Variants in MAGI2 observed in about 807,000 individuals in gnomAD.
MAGI2 encodes membrane associated guanylate kinase, WW and PDZ domain containing 2.
In MAGI2, 35 loss-of-function variants were observed where a neutral mutation model predicts 133.3. The observed-to-expected ratio is 0.26, with a 90% CI of 0.20 to 0.35. The LOEUF (loss-of-function observed/expected upper bound fraction) is 0.35, where lower values mean the gene tolerates loss of function less well. Ranked by LOEUF, MAGI2 falls within the 10% of genes least tolerant of loss-of-function variation. MAGI2 has a pLI of 1.00. For missense variants in MAGI2, 1,636 were observed against 1,863.4 expected, an observed-to-expected ratio of 0.88 and a Z score of 2.25; for synonymous variants, 729 against 710.6, an observed-to-expected ratio of 1.03 and a Z score of -0.41.
intron 3 of MAGI2, among the ~76,000 whole-genome samples, chr7:78,625,259 T>G (rs1242055235): frequency 6.6e-6 from 1 of 151,908 alleles, no homozygotes; most frequent in Non-Finnish European, 1.5e-5. Context: ...CTGACAAATA[T>G]AAAAATGATT....
chr7:78,024,631 A>G (rs899623220), intron 21 of MAGI2, among the ~76,000 whole-genome samples: 1 of 152,178 alleles, frequency 6.6e-6, no homozygotes, highest in African/African-American at 2.4e-5. Flanking sequence ...CACCGCCCTA[A>G]TTCAAAATAT....
At chr7:78,817,625 C>A (rs1042808346) in intron 2 of MAGI2, among the ~76,000 whole-genome samples, 1 of 152,106 alleles carries the variant, frequency 6.6e-6, no homozygotes, top group African/African-American at 2.4e-5. Context: ...TGATGTTTAG[C>A]ATTTTTTAGC....
chr7:79,271,745 GT>G (rs995512053), intron 1 of MAGI2, among the ~76,000 whole-genome samples: 2 of 148,792 alleles, frequency 1.3e-5, no homozygotes, highest in African/African-American at 2.5e-5. Context: ...CCCCTCCATC[GT>G]TTTTATTGAT....
At chr7:79,230,079 G>T (rs1831229933) in intron 1 of MAGI2, among the ~76,000 whole-genome samples, 1 of 150,654 alleles carries the variant, frequency 6.6e-6, no homozygotes, top group African/African-American at 2.4e-5. Context: ...TACTGAGAAT[G>T]ATGATTTCCA....
intron 3 of MAGI2, among the ~76,000 whole-genome samples, chr7:78,622,037 C>G (rs1378436471): frequency 6.6e-6 from 1 of 152,012 alleles, no homozygotes; most frequent in Non-Finnish European, 1.5e-5. Flanking sequence ...TTATAAAGGA[C>G]TCTCTTGATC....
At chr7:79,294,721 CT>C (rs1161010284) in intron 1 of MAGI2, among the ~76,000 whole-genome samples, 962 of 83,076 alleles carry the variant, frequency 0.012, 2 homozygotes, top group African/African-American at 0.042. Flanking sequence ...ATTTTGGTAG[CT>C]TTTTTTTTTT....
At chr7:79,369,004 A>G (rs1842902668) in intron 1 of MAGI2, among the ~76,000 whole-genome samples, 2 of 152,136 alleles carry the variant, frequency 1.3e-5, no homozygotes, top group Non-Finnish European at 2.9e-5. Context: ...ATTTTTAATA[A>G]AAATATAAGA....
intron 2 of MAGI2, among the ~76,000 whole-genome samples, chr7:78,657,826 G>A (rs532070999): frequency 3.9e-5 from 6 of 152,206 alleles, no homozygotes; most frequent in African/African-American, 9.6e-5. Flanking sequence ...GATAATGTAC[G>A]TGTTCAGCAA....
intron 1 of MAGI2, among the ~76,000 whole-genome samples, chr7:79,254,555 C>A (rs1833553657): frequency 6.6e-6 from 1 of 152,116 alleles, no homozygotes; most frequent in African/African-American, 2.4e-5. Context: ...ACTAAGAATA[C>A]AGTTGTATGC....
intron 2 of MAGI2, among the ~76,000 whole-genome samples, chr7:78,766,289 G>C (rs1013119683): frequency 1.3e-5 from 2 of 152,210 alleles, no homozygotes; most frequent in Non-Finnish European, 2.9e-5. Flanking sequence ...AGAAACTTCA[G>C]ACTGAGAGGA....
At chr7:78,101,645 A>G (rs1382144855) in intron 20 of MAGI2, among the ~76,000 whole-genome samples, 1 of 152,218 alleles carries the variant, frequency 6.6e-6, no homozygotes, top group Non-Finnish European at 1.5e-5. Context: ...GGTTTTGGCA[A>G]TGATATTTTG....
chr7:78,528,819 G>C (rs370995664), intron 3 of MAGI2, among the ~76,000 whole-genome samples: 20 of 152,028 alleles, frequency 1.3e-4, no homozygotes, highest in African/African-American at 4.8e-4. Context: ...TTTTTCTCTT[G>C]TGGTGAAAAA....
intron 1 of MAGI2, among the ~76,000 whole-genome samples, chr7:79,399,637 T>C (rs940706055): frequency 6.6e-6 from 1 of 152,160 alleles, no homozygotes. Flanking sequence ...AATGTATCTT[T>C]TGGGAATTTG....
At chr7:78,757,881 C>T (rs963203347) in intron 2 of MAGI2, among the ~76,000 whole-genome samples, 22 of 152,290 alleles carry the variant, frequency 1.4e-4, no homozygotes, top group Admixed American at 9.2e-4. Flanking sequence ...GACTCCCAAA[C>T]GTGCATTTTA....
intron 10 of MAGI2, among the ~76,000 whole-genome samples, chr7:78,241,262 C>T (rs1791106452): frequency 6.6e-6 from 1 of 152,132 alleles, no homozygotes; most frequent in South Asian, 2.1e-4. Context: ...GCTACAATTA[C>T]AGTCAGAAGA....
intron 1 of MAGI2, among the ~76,000 whole-genome samples, chr7:79,057,820 A>C (rs771694975): frequency 6.6e-6 from 1 of 152,122 alleles, no homozygotes. Context: ...ACACTTCCAT[A>C]GGGGTGGTTG....
intron 1 of MAGI2, among the ~76,000 whole-genome samples, chr7:79,163,071 G>T (rs532479241): frequency 6.6e-6 from 1 of 152,168 alleles, no homozygotes; most frequent in South Asian, 2.1e-4. Context: ...GACTTCTCCT[G>T]TGACAAAACC....
chr7:78,244,167 TAAAAAA>T (rs535442682), intron 10 of MAGI2, among the ~76,000 whole-genome samples: 10,270 of 68,848 alleles, frequency 0.15, 213 homozygotes, highest in African/African-American at 0.21. Context: ...CTATTTAAAT[TAAAAAA>T]AAAAAAAAAA....
chr7:78,671,383 A>G (rs1490195415), intron 2 of MAGI2, among the ~76,000 whole-genome samples: 1 of 152,146 alleles, frequency 6.6e-6, no homozygotes, highest in African/African-American at 2.4e-5. Context: ...GATACTTTGC[A>G]AAAATAATTA....
Sources: gnomAD v4.1 joint callset for allele counts (sites outside exome capture counted in the v4.1 genomes callset) on GRCh38, gnomAD v4.1.1 for gene constraint, MANE v1.5 for transcripts, NCBI Gene and HGNC (gene_info 2026-07-23, HGNC 2026-07-21) for gene names.